The following NPAS3 variants were observed in gnomAD, a reference collection of about 807,000 sequenced individuals.
NPAS3 encodes the protein neuronal PAS domain-containing protein 3.
A neutral mutation model predicts 73.1 loss-of-function variants in NPAS3; 14 were observed. The ratio of observed to expected loss-of-function variants is 0.19; its 90% CI spans 0.13 to 0.30. The LOEUF (loss-of-function observed/expected upper bound fraction) is 0.30, where lower values mean the gene tolerates loss of function less well. NPAS3 is among the 10% of genes least tolerant of loss of function. The probability of loss-of-function intolerance (pLI) is 1.00; values close to 1 mark genes in which losing one functional copy is unlikely to be tolerated. For synonymous variants in NPAS3, 620 were observed against 541.5 expected (o/e 1.14, Z -2.01); for missense variants, 1,096 against 1,250.0 (o/e 0.88, Z 1.86).
At chr14:33,133,750 T>C (rs1345182116) in intron 2 of NPAS3, among the ~76,000 whole-genome samples, 1 of 152,152 alleles carries the variant, frequency 6.6e-6, no homozygotes, top group African/African-American at 2.4e-5. Context: ...AGTTTCTATC[T>C]TATGTGGCCT....
At chr14:33,428,603 C>T (rs1200739468) in intron 4 of NPAS3, among the ~76,000 whole-genome samples, 1 of 152,058 alleles carries the variant, frequency 6.6e-6, no homozygotes, top group Non-Finnish European at 1.5e-5. Flanking sequence ...AGGAAATGTT[C>T]CTTTATGAAA....
At chr14:33,738,110 T>C (rs1398737026) in intron 7 of NPAS3, among the ~76,000 whole-genome samples, 1 of 152,194 alleles carries the variant, frequency 6.6e-6, no homozygotes. Context: ...AGTTATTTAA[T>C]CCACACAACA....
At chr14:33,054,865 G>T (rs2040832075) in intron 1 of NPAS3, among the ~76,000 whole-genome samples, 1 of 151,934 alleles carries the variant, frequency 6.6e-6, no homozygotes, top group African/African-American at 2.4e-5. Flanking sequence ...GCCTGCCTCG[G>T]CCTCCCAAAG....
chr14:33,216,372 T>C (rs764900714), intron 3 of NPAS3, among the ~76,000 whole-genome samples: 1 of 152,194 alleles, frequency 6.6e-6, no homozygotes, highest in Non-Finnish European at 1.5e-5. Context: ...GAAAGGGTAC[T>C]AGTCGGGAGC....
intron 5 of NPAS3, among the ~76,000 whole-genome samples, chr14:33,657,458 TTAAC>T (rs1349672272): frequency 2.4e-4 from 37 of 152,240 alleles, no homozygotes; most frequent in African/African-American, 7.7e-4. Flanking sequence ...GAGTATACAG[TTAAC>T]TAAGTAGAAA....
intron 4 of NPAS3, among the ~76,000 whole-genome samples, chr14:33,550,892 G>C (rs1053986189): frequency 1.3e-5 from 2 of 152,174 alleles, no homozygotes; most frequent in African/African-American, 4.8e-5. Flanking sequence ...AAGAGGTGCA[G>C]TTACTCACAA....
chr14:33,391,184 TA>T (rs1403309709), intron 4 of NPAS3, among the ~76,000 whole-genome samples: 1 of 142,292 alleles, frequency 7.0e-6, no homozygotes, highest in Non-Finnish European at 1.5e-5. Flanking sequence ...CTTTGGCCCA[TA>T]TCTTTTTTTT....
chr14:33,303,219 G>A (rs2042623505), intron 3 of NPAS3, among the ~76,000 whole-genome samples: 1 of 152,030 alleles, frequency 6.6e-6, no homozygotes, highest in Non-Finnish European at 1.5e-5. Context: ...TTTTAATGGT[G>A]AATAGGATTG....
chr14:33,147,149 T>C (rs1464597083), intron 2 of NPAS3, among the ~76,000 whole-genome samples: 1 of 151,982 alleles, frequency 6.6e-6, no homozygotes, highest in East Asian at 1.9e-4. Context: ...AATTATTGAT[T>C]GAATTTAATC....
chr14:33,083,167 C>T (rs1398137795), intron 2 of NPAS3, among the ~76,000 whole-genome samples: 1 of 105,828 alleles, frequency 9.4e-6, no homozygotes, highest in Non-Finnish European at 1.7e-5. Context: ...TGGGTAATGG[C>T]GAGACTGTCT....
chr14:32,947,861 A>G (rs763254814), intron 1 of NPAS3, among the ~76,000 whole-genome samples: 2 of 152,048 alleles, frequency 1.3e-5, no homozygotes. Flanking sequence ...GAAATTTGTC[A>G]TAGATAAATT....
intron 4 of NPAS3, among the ~76,000 whole-genome samples, chr14:33,425,142 C>T (rs1215668345): frequency 2.0e-5 from 3 of 152,036 alleles, no homozygotes; most frequent in African/African-American, 7.2e-5. Context: ...ATGAAAACAT[C>T]TATTATAATC....
intron 3 of NPAS3, among the ~76,000 whole-genome samples, chr14:33,297,623 A>G (rs1337943096): frequency 6.6e-6 from 1 of 152,164 alleles, no homozygotes; most frequent in Non-Finnish European, 1.5e-5. Context: ...GCACACACAC[A>G]AAAAAACCAA....
chr14:32,938,763 C>A (rs2035815760), upstream of NPAS3, among the ~76,000 whole-genome samples: 1 of 149,434 alleles, frequency 6.7e-6, no homozygotes, highest in Non-Finnish European at 1.5e-5. Flanking sequence ...CGGGTGGCGG[C>A]GCGGGGGTGA....
intron 5 of NPAS3, among the ~76,000 whole-genome samples, chr14:33,649,688 A>C (rs1297870183): frequency 6.6e-6 from 1 of 152,210 alleles, no homozygotes; most frequent in African/African-American, 2.4e-5. Flanking sequence ...AGCAATAAGA[A>C]GGAAGAAAGG....
chr14:33,014,595 A>C (rs2039328848), intron 1 of NPAS3, among the ~76,000 whole-genome samples: 1 of 152,254 alleles, frequency 6.6e-6, no homozygotes, highest in East Asian at 1.9e-4. Context: ...TAGGATATTA[A>C]AATAACAAGT....
chr14:33,705,084 C>A (rs945650008), intron 6 of NPAS3, among the ~76,000 whole-genome samples: 4 of 152,208 alleles, frequency 2.6e-5, no homozygotes, highest in African/African-American at 7.2e-5. Flanking sequence ...GAAGCGCCCT[C>A]ATTTTTATTT....
intron 7 of NPAS3, among the ~76,000 whole-genome samples, chr14:33,760,969 G>A (rs1033613548): frequency 2.6e-5 from 4 of 152,176 alleles, no homozygotes; most frequent in Admixed American, 6.5e-5. Context: ...CAGGGAAAGT[G>A]CATTAATATC....
intron 1 of NPAS3, among the ~76,000 whole-genome samples, chr14:33,048,014 G>T (rs2040570576): frequency 2.0e-5 from 3 of 152,164 alleles, no homozygotes; most frequent in Admixed American, 2.0e-4. Flanking sequence ...AGCAGAATTT[G>T]CTGGTAGGAA....
Sources: gnomAD v4.1 joint callset for allele counts (sites outside exome capture counted in the v4.1 genomes callset) on GRCh38, gnomAD v4.1.1 for gene constraint, MANE v1.5 for transcripts, NCBI Gene and HGNC (gene_info 2026-07-23, HGNC 2026-07-21) for gene names.